Variants in MYO16 observed in about 807,000 individuals in gnomAD.
MYO16 encodes the protein myosin XVI, also known as unconventional myosin-XVI.
A neutral mutation model predicts 205.3 loss-of-function variants in MYO16; 94 were observed. The observed-to-expected ratio is 0.46, with a 90% CI of 0.39 to 0.54. MYO16 has a LOEUF of 0.54. MYO16 is among the 20% of genes least tolerant of loss of function. The probability of loss-of-function intolerance (pLI) is 0.00; values close to 1 mark genes in which losing one functional copy is unlikely to be tolerated. For synonymous variants in MYO16, 988 were observed against 954.0 expected (o/e 1.04, Z -0.66); for missense variants, 2,315 against 2,387.5 (o/e 0.97, Z 0.63).
chr13:108,572,912 G>C, the MYO16 span, among the ~76,000 whole-genome samples: 1 of 152,194 alleles, frequency 6.6e-6, no homozygotes, highest in African/African-American at 2.4e-5. Flanking sequence ...TGATGACCTT[G>C]CATGAGGACT....
the MYO16 span, among the ~76,000 whole-genome samples, chr13:108,544,488 G>A: frequency 2.0e-5 from 3 of 151,978 alleles, no homozygotes; most frequent in African/African-American, 4.8e-5. Flanking sequence ...GTGGAAGTGG[G>A]GTATTCATCC....
At chr13:109,046,289 A>C (rs936261902) in intron 23 of MYO16, among the ~76,000 whole-genome samples, 1 of 152,190 alleles carries the variant, frequency 6.6e-6, no homozygotes, top group Non-Finnish European at 1.5e-5. Flanking sequence ...GAGATTTCAC[A>C]CTTAGTTGAC....
At chr13:109,111,655 A>G (rs535946026) in intron 28 of MYO16, among the ~76,000 whole-genome samples, 1 of 152,264 alleles carries the variant, frequency 6.6e-6, no homozygotes, top group Non-Finnish European at 1.5e-5. Flanking sequence ...ATTAAAATAT[A>G]ATCTATGTTA....
At chr13:108,863,377 G>A (rs1878545976) in intron 11 of MYO16, among the ~76,000 whole-genome samples, 1 of 152,030 alleles carries the variant, frequency 6.6e-6, no homozygotes, top group African/African-American at 2.4e-5. Flanking sequence ...TTATATTCAT[G>A]ATTTTCAAAG....
intron 6 of MYO16, among the ~76,000 whole-genome samples, chr13:108,796,091 C>T (rs369837063): frequency 1.5e-4 from 23 of 152,090 alleles, no homozygotes; most frequent in Admixed American, 7.9e-4. Context: ...GAGGGAGAGG[C>T]GCTGGGACCA....
At chr13:108,681,548 G>A (rs1048594792) in intron 2 of MYO16, among the ~76,000 whole-genome samples, 1 of 152,100 alleles carries the variant, frequency 6.6e-6, no homozygotes, top group African/African-American at 2.4e-5. Flanking sequence ...GGAGCTTATG[G>A]TCCAGAATAA....
At chr13:108,843,479 A>G (rs754830132) in intron 9 of MYO16, among the ~76,000 whole-genome samples, 1 of 146,860 alleles carries the variant, frequency 6.8e-6, no homozygotes, top group Non-Finnish European at 1.5e-5. Flanking sequence ...CTGTATGTAA[A>G]CTAGACCTCA....
intron 16 of MYO16, among the ~76,000 whole-genome samples, chr13:108,943,766 T>A (rs1424895355): frequency 6.6e-6 from 1 of 152,048 alleles, no homozygotes; most frequent in Admixed American, 6.5e-5. Context: ...TTTGTATTTT[T>A]AGTAGAGATG....
chr13:108,646,738 CAA>C (rs1880774430), intron 1 of MYO16, among the ~76,000 whole-genome samples: 1 of 152,016 alleles, frequency 6.6e-6, no homozygotes, highest in Non-Finnish European at 1.5e-5. Flanking sequence ...CAAAAAGAGA[CAA>C]TATTGGTAAT....
At chr13:109,019,650 T>C (rs1885952394) in intron 22 of MYO16, 61 bp from the exon 23 acceptor site, 1 of 1,333,542 alleles carries the variant, frequency 7.5e-7, no homozygotes, top group Non-Finnish European at 1.0e-6. Flanking sequence ...GCTTGAATAA[T>C]AACAAAAATA....
At chr13:108,751,573 A>G (rs1216370389) in intron 4 of MYO16, among the ~76,000 whole-genome samples, 1 of 152,170 alleles carries the variant, frequency 6.6e-6, no homozygotes, top group African/African-American at 2.4e-5. Flanking sequence ...GGCTGCTCCA[A>G]GTGACTTCTT....
chr13:108,963,604 A>G (rs1232489271), intron 19 of MYO16, among the ~76,000 whole-genome samples: 1 of 152,150 alleles, frequency 6.6e-6, no homozygotes, highest in Non-Finnish European at 1.5e-5. Flanking sequence ...CTGAAATGCA[A>G]TAGGCATTTC....
the MYO16 span, among the ~76,000 whole-genome samples, chr13:108,581,310 G>T: frequency 1.3e-5 from 2 of 152,108 alleles, no homozygotes; most frequent in Non-Finnish European, 2.9e-5. Flanking sequence ...AGAGATTCCA[G>T]GTGGAAATCG....
intron 3 of MYO16, among the ~76,000 whole-genome samples, chr13:108,720,902 A>G (rs1212588692): frequency 6.6e-6 from 1 of 152,150 alleles, no homozygotes; most frequent in Admixed American, 6.6e-5. Flanking sequence ...TTTCTGATTT[A>G]CTGAGTGATA....
intron 12 of MYO16, among the ~76,000 whole-genome samples, chr13:108,874,690 CATCATCATTATTATT>C (rs1362839344): frequency 4.0e-4 from 39 of 96,912 alleles, no homozygotes; most frequent in African/African-American, 6.5e-4. Context: ...ACAGTTTCAT[CATCATCATTATTATT>C]ATTATTATTA....
At chr13:109,199,459 T>A (rs1880319672) in intron 34 of MYO16, among the ~76,000 whole-genome samples, 1 of 151,894 alleles carries the variant, frequency 6.6e-6, no homozygotes, top group Non-Finnish European at 1.5e-5. Flanking sequence ...TAAAAGATAA[T>A]GATTCTGTGT....
At chr13:109,019,671 T>C in intron 22 of MYO16, 40 bp from the exon 23 acceptor site, 1 of 1,495,206 alleles carries the variant, frequency 6.7e-7, no homozygotes, top group Non-Finnish European at 9.2e-7. Context: ...TCAAACTAAG[T>C]AATAGACAAA....
At chr13:108,545,464 T>C in the MYO16 span, among the ~76,000 whole-genome samples, 6 of 152,216 alleles carry the variant, frequency 3.9e-5, no homozygotes, top group Admixed American at 2.6e-4. Context: ...GTGATGAACA[T>C]ACGAGTACAT....
At chr13:108,767,151 G>A (rs1195118169) in intron 4 of MYO16, among the ~76,000 whole-genome samples, 2 of 152,076 alleles carry the variant, frequency 1.3e-5, no homozygotes, top group Non-Finnish European at 2.9e-5. Context: ...CGCCCAGGCT[G>A]GAGTGCAGTG....
Sources: gnomAD v4.1 joint callset for allele counts (sites outside exome capture counted in the v4.1 genomes callset) on GRCh38, gnomAD v4.1.1 for gene constraint, MANE v1.5 for transcripts, NCBI Gene and HGNC (gene_info 2026-07-23, HGNC 2026-07-21) for gene names.